Variants in MPDZ observed in about 807,000 individuals in gnomAD.
The protein encoded by MPDZ is multiple PDZ domain protein.
MPDZ carries 234 observed loss-of-function variants against 239.1 expected under a neutral mutation model. That is an observed-to-expected ratio of 0.98 (90% CI 0.88 to 1.09). The LOEUF (loss-of-function observed/expected upper bound fraction) is 1.09, where lower values mean the gene tolerates loss of function less well. Ranked by LOEUF, MPDZ falls within the 50% of genes least tolerant of loss-of-function variation. The pLI, the probability that MPDZ is intolerant of heterozygous loss-of-function variation, is 0.00. For missense variants in MPDZ, 3,175 were observed against 2,510.0 expected, an observed-to-expected ratio of 1.26 and a Z score of -5.66; for synonymous variants, 1,048 against 881.3, an observed-to-expected ratio of 1.19 and a Z score of -3.35.
chr9:13,158,820 T>C (rs945259983), intron 23 of MPDZ, among the ~76,000 whole-genome samples: 7 of 152,156 alleles, frequency 4.6e-5, no homozygotes, highest in African/African-American at 1.4e-4. Context: ...TGTACAATAA[T>C]AACAACATCA....
intron 3 of MPDZ, among the ~76,000 whole-genome samples, chr9:13,231,764 C>A (rs1446503963): frequency 6.6e-6 from 1 of 151,406 alleles, no homozygotes; most frequent in African/African-American, 2.4e-5. Flanking sequence ...GCCAACATAA[C>A]CTCAATTGCC....
intron 32 of MPDZ, among the ~76,000 whole-genome samples, chr9:13,133,284 G>A (rs1946270415): frequency 6.6e-6 from 1 of 152,092 alleles, no homozygotes; most frequent in South Asian, 2.1e-4. Flanking sequence ...TGATAGAAAG[G>A]TAAAAAGACT....
At chr9:13,162,138 C>A (rs772306851) in intron 23 of MPDZ, among the ~76,000 whole-genome samples, 1 of 151,982 alleles carries the variant, frequency 6.6e-6, no homozygotes, top group African/African-American at 2.4e-5. Context: ...GTGGCACACA[C>A]CTATAATCCC....
At chr9:13,191,290 C>A (rs934653154) in intron 15 of MPDZ, among the ~76,000 whole-genome samples, 1 of 152,096 alleles carries the variant, frequency 6.6e-6, no homozygotes, top group Non-Finnish European at 1.5e-5. Context: ...TCAAAATTTT[C>A]CAAATTATTC....
At chr9:13,176,726 T>C (rs1952547476) in intron 19 of MPDZ, among the ~76,000 whole-genome samples, 1 of 152,130 alleles carries the variant, frequency 6.6e-6, no homozygotes, top group Non-Finnish European at 1.5e-5. Context: ...AATAAAATTA[T>C]TCAGAGTTCA....
rs144052544 is a variant in MPDZ at position 13,172,359 on chromosome 9, C to T, written c.3055+3393G>A. On this transcript the variant is annotated intron_variant, in intron 21 of 46. Transcript: ENST00000319217. ...TGGTAAACTAATGGTGCTGTGATTT[C>T]ACACTTAAATGTCTTACTTTGTTTT... 4.8e-3 allele frequency among the ~76,000 whole-genome samples: 715 copies of T among 150,264 alleles called. 6 individuals are homozygous for T. Among genetic ancestry groups the T allele is most frequent in the African/African-American group, 0.015 (633 of 40,910 alleles).
intron 18 of MPDZ, among the ~76,000 whole-genome samples, chr9:13,184,760 T>C (rs184714619): frequency 6.6e-6 from 1 of 152,014 alleles, no homozygotes; most frequent in Non-Finnish European, 1.5e-5. Context: ...ATTGCTGATA[T>C]CTTAGGATCT....
chr9:13,268,843 GC>G (rs1413848505), intron 1 of MPDZ, among the ~76,000 whole-genome samples: 2 of 152,244 alleles, frequency 1.3e-5, no homozygotes, highest in Non-Finnish European at 2.9e-5. Context: ...CTGGGGCTTT[GC>G]CCTGCAGGCA....
intron 38 of MPDZ, chr9:13,120,384 TC>T (rs1207653993): frequency 6.6e-6 from 1 of 152,220 alleles, no homozygotes; most frequent in African/African-American, 2.4e-5. Context: ...TCCTCCGCTT[TC>T]CCATCTTTAG....
At chr9:13,137,925 G>C in intron 29 of MPDZ, 32 bp downstream of exon 29, 1 of 1,605,926 alleles carries the variant, frequency 6.2e-7, no homozygotes, top group Non-Finnish European at 8.5e-7. Context: ...TATAAAACAA[G>C]AATAAATTCA....
At chr9:13,124,483 AT>A (rs373519800) in intron 35 of MPDZ, among the ~76,000 whole-genome samples, 5 of 151,428 alleles carry the variant, frequency 3.3e-5, no homozygotes, top group South Asian at 2.1e-4. Context: ...CCAATGCCTT[AT>A]TTTTTTTTGT....
chr9:13,277,430 G>C (rs1381155267), intron 1 of MPDZ, among the ~76,000 whole-genome samples: 7 of 152,144 alleles, frequency 4.6e-5, no homozygotes, highest in Non-Finnish European at 1.5e-5. Flanking sequence ...AAGAAGAACG[G>C]AGAGTCAAGG....
intron 21 of MPDZ, among the ~76,000 whole-genome samples, chr9:13,169,726 T>G (rs909774681): frequency 7.2e-5 from 11 of 152,306 alleles, no homozygotes; most frequent in African/African-American, 2.6e-4. Context: ...GTTATAGTAA[T>G]ACACAACATA....
intron 3 of MPDZ, among the ~76,000 whole-genome samples, chr9:13,228,717 A>G (rs1999396): frequency 0.98 from 149,618 of 152,186 alleles, 73,594 homozygotes; most frequent in Middle Eastern, 1. Context: ...TCATAAATAT[A>G]TTTTACAGTT....
At chr9:13,245,552 T>C (rs901725570) in intron 3 of MPDZ, among the ~76,000 whole-genome samples, 1 of 152,196 alleles carries the variant, frequency 6.6e-6, no homozygotes. Context: ...GTGTTTTCCT[T>C]GGTCCCTTTC....
intron 36 of MPDZ, 23 bp from the exon 37 acceptor site, chr9:13,122,193 C>T (rs762227968): frequency 1.2e-6 from 2 of 1,604,802 alleles, no homozygotes; most frequent in Non-Finnish European, 1.7e-6. Context: ...ACAAAACATA[C>T]CCATACTTAT....
At chr9:13,145,951 A>C (rs1456584003) in intron 26 of MPDZ, among the ~76,000 whole-genome samples, 1 of 151,992 alleles carries the variant, frequency 6.6e-6, no homozygotes, top group Non-Finnish European at 1.5e-5. Context: ...AAATCCACCC[A>C]CACACAAAAA....
intron 3 of MPDZ, among the ~76,000 whole-genome samples, chr9:13,226,762 T>C (rs1240609786): frequency 6.6e-6 from 1 of 152,078 alleles, no homozygotes; most frequent in Non-Finnish European, 1.5e-5. Flanking sequence ...AACTCTCCAG[T>C]GGAAATTTTT....
chr9:13,276,155 A>C (rs1463301644), intron 1 of MPDZ, among the ~76,000 whole-genome samples: 1 of 152,180 alleles, frequency 6.6e-6, no homozygotes, highest in African/African-American at 2.4e-5. Context: ...TACTCTCCCC[A>C]ATGCCTAACC....
Sources: gnomAD v4.1 joint callset for allele counts (sites outside exome capture counted in the v4.1 genomes callset) on GRCh38, gnomAD v4.1.1 for gene constraint, MANE v1.5 for transcripts, NCBI Gene and HGNC (gene_info 2026-07-23, HGNC 2026-07-21) for gene names.